LMBR1: variants seen among roughly 807,000 people sequenced by gnomAD.
The protein encoded by LMBR1 is limb development membrane protein 1.
A neutral mutation model predicts 73.9 loss-of-function variants in LMBR1; 52 were observed. The observed-to-expected ratio is 0.70, with a 90% confidence interval of 0.56 to 0.89. The LOEUF (loss-of-function observed/expected upper bound fraction) is 0.89. Among genes scored for constraint, LMBR1 ranks in the 40% least tolerant of loss-of-function variants. The pLI, the probability that LMBR1 is intolerant of heterozygous loss-of-function variation, is 0.00. For synonymous variants in LMBR1, 215 were observed against 209.4 expected, an observed-to-expected ratio of 1.03 and a Z score of -0.23; for missense variants, 539 against 579.8, an observed-to-expected ratio of 0.93 and a Z score of 0.72.
intron 1 of LMBR1, among the ~76,000 whole-genome samples, chr7:156,853,159 C>A (rs566802860): frequency 6.6e-6 from 1 of 151,692 alleles, no homozygotes; most frequent in African/African-American, 2.4e-5. Flanking sequence ...AGGATGGTCT[C>A]GATCTCCTGA....
chr7:156,867,908 T>C (rs1414216611), intron 1 of LMBR1, among the ~76,000 whole-genome samples: 1 of 152,154 alleles, frequency 6.6e-6, no homozygotes, highest in Non-Finnish European at 1.5e-5. Context: ...TTGGATAAAT[T>C]ATATGGTATG....
Position 156,856,767 on chromosome 7 carries a change from T to A in LMBR1, c.67-19882A>T, listed in dbSNP as rs144395526. Reference sequence around the variant, plus strand: ...AGGAGTAAGTGAAGGTAAAATAAAGTCTTTTATTTTCTTTTTCTTAATCTA... The same window carrying A: ...AGGAGTAAGTGAAGGTAAAATAAAGACTTTTATTTTCTTTTTCTTAATCTA... On this transcript the variant is annotated intron_variant, in intron 1 of 16. Coordinates refer to ENST00000353442, the MANE Select transcript of LMBR1 (RefSeq NM_022458.4). 3.3e-5 allele frequency among the ~76,000 whole-genome samples: 5 copies of A among 151,102 alleles called. No homozygotes were observed. The East Asian group carries it at 9.8e-4, about 30-fold the overall frequency.
intron 5 of LMBR1, among the ~76,000 whole-genome samples, chr7:156,780,515 G>GA (rs1361760975): frequency 6.6e-6 from 1 of 151,940 alleles, no homozygotes; most frequent in Admixed American, 6.6e-5. Flanking sequence ...CTGAATTTGG[G>GA]AAAAAAATAT....
At chr7:156,762,032 A>T in intron 8 of LMBR1, 102 bp downstream of exon 8, 1 of 715,856 alleles carries the variant, frequency 1.4e-6, no homozygotes, top group South Asian at 1.7e-5. Context: ...CATACAAAAC[A>T]TATTCTTCTT....
intron 1 of LMBR1, among the ~76,000 whole-genome samples, chr7:156,888,991 T>C (rs1483849373): frequency 1.3e-5 from 2 of 151,246 alleles, no homozygotes; most frequent in Non-Finnish European, 2.9e-5. Context: ...GAGGGAGAGG[T>C]TGCAATGAGC....
downstream of LMBR1, chr7:156,675,780 A>G (rs142826126): frequency 8.7e-6 from 14 of 1,613,996 alleles, no homozygotes; most frequent in African/African-American, 9.3e-5. Context: ...GTGCTTGGCC[A>G]TAAATCGAAG....
chr7:156,826,821 C>T lies in LMBR1; in HGVS notation c.180-77G>A, dbSNP rs113951482. 5.8e-3 allele frequency: 7,694 copies of T among 1,335,318 alleles called. 364 individuals are homozygous for T. The African/African-American group carries it at 0.1, about 17-fold the overall frequency. 82.7% of individuals were successfully genotyped at this position (1,335,318 alleles called of 1,614,324 possible). A position where few individuals can be genotyped will look rare whatever the true frequency, so the allele number is the denominator to read the frequency against. Reference sequence around the variant, plus strand: ...CGAAAGTCATCAAAAAGAATGCAAACTCTTTAATGTTTTAATCAAAAAAGC... The same window carrying T: ...CGAAAGTCATCAAAAAGAATGCAAATTCTTTAATGTTTTAATCAAAAAAGC... On this transcript the variant is annotated intron_variant, in intron 3 of 16. Transcript: ENST00000353442.
chr7:156,783,439 A>G (rs1294749798), intron 5 of LMBR1, among the ~76,000 whole-genome samples: 1 of 152,080 alleles, frequency 6.6e-6, no homozygotes, highest in African/African-American at 2.4e-5. Flanking sequence ...TCAGCCTCCC[A>G]AAGTGCTGGG....
chr7:156,824,761 C>T (rs1393600391), intron 4 of LMBR1, among the ~76,000 whole-genome samples: 1 of 152,010 alleles, frequency 6.6e-6, no homozygotes, highest in Admixed American at 6.6e-5. Flanking sequence ...GGGAGGATCA[C>T]CTGAGCCCAG....
intron 5 of LMBR1, among the ~76,000 whole-genome samples, chr7:156,790,571 A>G (rs993634299): frequency 6.6e-6 from 1 of 151,998 alleles, no homozygotes; most frequent in African/African-American, 2.4e-5. Context: ...TGAACATACT[A>G]TATAGGGTTC....
chr7:156,833,666 A>G (rs543375570), intron 3 of LMBR1, 87 bp downstream of exon 3: 13 of 969,910 alleles, frequency 1.3e-5, no homozygotes, highest in Admixed American at 2.0e-5. Context: ...AATATTTTCC[A>G]TACTTCTATC....
chr7:156,752,839 A>G (rs895185178), intron 9 of LMBR1, among the ~76,000 whole-genome samples: 3 of 152,150 alleles, frequency 2.0e-5, no homozygotes, highest in Non-Finnish European at 2.9e-5. Context: ...AGGCTAGCAG[A>G]ATGAAGGCTC....
chr7:156,687,659 A>T (rs1004484772), intron 16 of LMBR1, among the ~76,000 whole-genome samples: 8 of 152,230 alleles, frequency 5.3e-5, no homozygotes, highest in Non-Finnish European at 8.8e-5. Flanking sequence ...TTTAACTAAA[A>T]GGTATTATTA....
intron 4 of LMBR1, among the ~76,000 whole-genome samples, chr7:156,813,569 T>A (rs1014256955): frequency 6.6e-6 from 1 of 152,202 alleles, no homozygotes; most frequent in African/African-American, 2.4e-5. Context: ...GTTCTCTTCA[T>A]TCTCTTGCCC....
intron 1 of LMBR1, 188 bp downstream of exon 1, chr7:156,892,740 G>A (rs1803333557): frequency 4.9e-6 from 2 of 407,812 alleles, no homozygotes; most frequent in South Asian, 4.7e-5. Context: ...GGAGGGGAGA[G>A]GAGAGGTGGG....
At chr7:156,762,846 A>AGT (rs35976164) in intron 7 of LMBR1, among the ~76,000 whole-genome samples, 16,299 of 148,500 alleles carry the variant, frequency 0.11, 899 homozygotes, top group East Asian at 0.13. Flanking sequence ...TGTGAGTGTG[A>AGT]GTGTGTGTGT....
chr7:156,754,931 G>A (rs1162608684), intron 9 of LMBR1, among the ~76,000 whole-genome samples: 2 of 152,154 alleles, frequency 1.3e-5, no homozygotes, highest in Admixed American at 1.3e-4. Flanking sequence ...AGTCCACAGT[G>A]GCTAACCAGC....
chr7:156,766,635 G>T (rs1824134710), intron 5 of LMBR1, among the ~76,000 whole-genome samples: 1 of 152,116 alleles, frequency 6.6e-6, no homozygotes, highest in Admixed American at 6.5e-5. Context: ...ATGCAGATTG[G>T]CTTAAGGGAT....
chr7:156,879,431 G>A (rs778387809), intron 1 of LMBR1, among the ~76,000 whole-genome samples: 14 of 152,118 alleles, frequency 9.2e-5, no homozygotes, highest in African/African-American at 1.2e-4. Flanking sequence ...TTGGGAGGCC[G>A]AGGCGAGCAG....
Sources: gnomAD v4.1 joint callset for allele counts (sites outside exome capture counted in the v4.1 genomes callset) on GRCh38, gnomAD v4.1.1 for gene constraint, MANE v1.5 for transcripts, NCBI Gene and HGNC (gene_info 2026-07-23, HGNC 2026-07-21) for gene names.